PARP2: variants seen among roughly 807,000 people sequenced by gnomAD.
The protein encoded by PARP2 is poly [ADP-ribose] polymerase 2.
Under a neutral mutation model 77.8 loss-of-function variants are expected in PARP2, and 57 were observed. The ratio of observed to expected loss-of-function variants is 0.73; its 90% CI spans 0.59 to 0.91. PARP2 has a LOEUF of 0.91. Among genes scored for constraint, PARP2 ranks in the 40% least tolerant of loss-of-function variants. PARP2 has a pLI of 0.00. For missense variants in PARP2, 651 were observed against 689.0 expected (o/e 0.94, Z 0.62); for synonymous variants, 226 against 242.6 (o/e 0.93, Z 0.64).
chr14:20,345,906 G>A (rs986148753), intron 3 of PARP2, among the ~76,000 whole-genome samples: 1 of 149,838 alleles, frequency 6.7e-6, no homozygotes, highest in Non-Finnish European at 1.5e-5. Flanking sequence ...GTCACAGAGA[G>A]AGAAAGAGAG....
chr14:20,351,115 CAGA>C lies in PARP2; in HGVS notation c.496_497+1del, dbSNP rs748371280. 209 of 1,612,770 alleles carry C rather than the reference CAGA, an allele frequency of 1.3e-4. No homozygotes were observed. Among genetic ancestry groups the C allele is most frequent in the Non-Finnish European group, 1.7e-4 (201 of 1,178,904 alleles). On this transcript the variant is annotated inframe_deletion, in exon 6 of 16. Transcript: ENST00000429687. ...TCTCAACAAGGCCAAGGAAATCTTTCAGAAGAAGTGAGTGCTGAAAAGTGACTA... is the reference window on the plus strand; with the variant it reads ...TCTCAACAAGGCCAAGGAAATCTTTCAGAAGTGAGTGCTGAAAAGTGACTA...
chr14:20,347,398 A>ATAT (rs1883803299), intron 4 of PARP2, among the ~76,000 whole-genome samples: 1 of 6,886 alleles, frequency 1.5e-4, no homozygotes, highest in Admixed American at 3.1e-3. Context: ...ATATATATAT[A>ATAT]TTTTTTTTTT....
At position 20,353,250 on chromosome 14, in the gene PARP2, G is replaced by GT. The variant is rs201955911; in HGVS notation, c.601-826dup. Among the ~76,000 whole-genome samples, 525 of 148,814 alleles carry GT rather than the reference G, an allele frequency of 3.5e-3. 2 individuals are homozygous for GT. Among genetic ancestry groups the GT allele is most frequent in the Middle Eastern group, 0.028 (8 of 282 alleles). ...TTGTTTTTTTCGTTTTTTTGTTTTT[G>GT]TTTTTTTTTGATACGGAGTCTCGCT... On this transcript the variant is annotated intron_variant, in intron 7 of 15. Transcript: ENST00000429687.
At position 20,355,894 on chromosome 14, in the gene PARP2, C is replaced by T; in HGVS notation, c.967-3C>T. On this transcript the variant is annotated splice_region_variant and splice_polypyrimidine_tract_variant and intron_variant, in intron 10 of 15. Transcript: ENST00000429687. ...ACATTGATTCTATATCTCATCTTCT[C>T]AGGCTTTGGGAGACATTGAAATTGC... The T allele has an allele frequency of 2.5e-6, 4 of 1,614,130 alleles. No homozygotes were observed. The highest frequency in any genetic ancestry group is 3.4e-6 in the Non-Finnish European group (4 of 1,179,996).
intron 13 of PARP2, 130 bp downstream of exon 13, chr14:20,356,819 G>A: frequency 1.3e-6 from 1 of 765,312 alleles, no homozygotes; most frequent in Non-Finnish European, 2.3e-6. Flanking sequence ...TGATAACCTT[G>A]TCATCTCTTA....
chr14:20,349,077 G>A (rs1176079790), intron 4 of PARP2, among the ~76,000 whole-genome samples: 2 of 152,086 alleles, frequency 1.3e-5, no homozygotes, highest in African/African-American at 4.8e-5. Flanking sequence ...GGTGGCTCAT[G>A]CCTGTCATCC....
intron 6 of PARP2, 149 bp downstream of exon 6, chr14:20,351,271 T>C (rs935173784): frequency 5.9e-6 from 3 of 510,902 alleles, no homozygotes; most frequent in Non-Finnish European, 1.1e-5. Context: ...CTCCACCTCC[T>C]GGGTTTAAGT....
At chr14:20,346,611 G>A in intron 3 of PARP2, 2 of 345,682 alleles carry the variant, frequency 5.8e-6, no homozygotes, top group Non-Finnish European at 1.1e-5. Context: ...TGGGATTGCA[G>A]GCATGAGCCA....
intron 4 of PARP2, among the ~76,000 whole-genome samples, chr14:20,347,154 A>G (rs2678683): frequency 0.46 from 67,866 of 147,218 alleles, 17,276 homozygotes; most frequent in African/African-American, 0.7. Context: ...TCAGCCTCCC[A>G]AGTAGCTGGG....
In PARP2 at chr14:20,351,042, T is replaced by G; in HGVS notation, c.422-5T>G. 6 of 1,612,766 alleles carry G rather than the reference T, an allele frequency of 3.7e-6. No individual in the cohort carries two copies. Among genetic ancestry groups the G allele is most frequent in the Non-Finnish European group, 5.1e-6 (6 of 1,178,832 alleles). On this transcript the variant is annotated splice_region_variant and splice_polypyrimidine_tract_variant and intron_variant, in intron 5 of 15. Transcript: ENST00000429687. The stretch of plus-strand genomic sequence containing the variant: ...ACTATCTTATGTGTGGCATTTCCTT[T>G]GCAGTTGGGAAAATGGGACAGCACA...
rs1884214994 is a variant in PARP2, at chr14:20,357,807, TTAAA to T, written c.*15_*18del. ...CCTTCAGCTGTGGTGAATGTTGATA[TTAAA>T]TAAACCAGAGATCTGATCTTCAAGC... is the stretch of plus-strand genomic sequence containing the variant. On this transcript the variant is annotated 3_prime_UTR_variant, in exon 16 of 16. Transcript: ENST00000429687. 3 of 1,608,106 alleles carry T rather than the reference TTAAA, an allele frequency of 1.9e-6. No homozygotes were observed. The highest frequency in any genetic ancestry group is 2.5e-6 in the Non-Finnish European group (3 of 1,177,092).
Position 20,357,393 on chromosome 14 carries a change from C to T in PARP2, c.1429-3C>T, listed in dbSNP as rs548311217. 3.3e-5 allele frequency: 52 copies of T among 1,589,066 alleles called. 1 individual carries two copies. Among genetic ancestry groups the T allele is most frequent in the South Asian group, 1.8e-4 (16 of 87,466 alleles). ...GGGAATTCAAAGGTTTTTTGCTTTG[C>T]AGGTAGCTCTAGGTCAGTGTAATGA... On this transcript the variant is annotated splice_polypyrimidine_tract_variant and splice_region_variant and intron_variant, in intron 14 of 15. Coordinates refer to ENST00000429687, the MANE Select transcript of PARP2 (RefSeq NM_001042618.2).
At chr14:20,348,190 A>G (rs1883836726) in intron 4 of PARP2, among the ~76,000 whole-genome samples, 2 of 152,098 alleles carry the variant, frequency 1.3e-5, no homozygotes, top group South Asian at 4.2e-4. Context: ...CACATTTTCT[A>G]AAGTTATTGG....
chr14:20,349,782 A>C (rs1883893123), intron 4 of PARP2, among the ~76,000 whole-genome samples: 1 of 151,802 alleles, frequency 6.6e-6, no homozygotes, highest in African/African-American at 2.4e-5. Flanking sequence ...AGCAAGCAGG[A>C]GATAGAGGTA....
chr14:20,357,855 G>A lies in PARP2; in HGVS notation c.*58G>A. 6.7e-7 allele frequency: 1 copy of A among 1,493,340 alleles called. No individual in the cohort carries two copies. Among genetic ancestry groups the A allele is most frequent in the Non-Finnish European group, 9.2e-7 (1 of 1,087,808 alleles). 92.5% of individuals were successfully genotyped at this position (1,493,340 alleles called of 1,614,324 possible). A position where few individuals can be genotyped will look rare whatever the true frequency, so the allele number is the denominator to read the frequency against. The stretch of plus-strand genomic sequence containing the variant: ...TTCAAGCAAGAAAATAAGCAGTGTT[G>A]TACTTGTGAATTTTGTGATATTTTA... On this transcript the variant is annotated 3_prime_UTR_variant, in exon 16 of 16. Coordinates refer to ENST00000429687, the MANE Select transcript of PARP2 (RefSeq NM_001042618.2).
chr14:20,355,091 G>A (rs1042143222), intron 9 of PARP2, 144 bp downstream of exon 9: 18 of 726,884 alleles, frequency 2.5e-5, no homozygotes, highest in African/African-American at 3.6e-5. Flanking sequence ...TGATATATAG[G>A]TAGCCTATTT....
In PARP2 at chr14:20,343,681, G is replaced by A. The variant is rs1347928953; in HGVS notation, c.40G>A (p.Ala14Thr). ...RRRRSTGGGR[A>T]RALNESKRVN... ...GCGACGGAGCACCGGCGGCGGCAGG[G>A]CGAGAGGTTCGGAGCTCAATATCGC... The change falls in exon 1 of 16, where the codon GCG becomes ACG. Residue 14 changes from alanine (A) to threonine (T), a missense_variant. Transcript: ENST00000429687. 2 of 1,609,800 alleles carry A rather than the reference G, an allele frequency of 1.2e-6. No homozygotes were observed. The highest frequency in any genetic ancestry group is 8.5e-7 in the Non-Finnish European group (1 of 1,178,798).
rs774986716 is a variant in PARP2 at position 20,347,356 on chromosome 14, GTATATATATATATATA to G, written c.324+471_324+486del. 4.2e-3 allele frequency among the ~76,000 whole-genome samples: 124 copies of G among 29,560 alleles called. 2 individuals carry two copies. Among genetic ancestry groups the G allele is most frequent in the African/African-American group, 0.013 (77 of 6,106 alleles). 19.4% of individuals were successfully genotyped at this position (29,560 alleles called of 152,430 possible). ...CCTAAAGTCCTTCATATGTGTGTGT[GTATATATATATATATA>G]TATATATATATATATATATATATAT... On this transcript the variant is annotated intron_variant, in intron 4 of 15. Coordinates refer to ENST00000429687, the MANE Select transcript of PARP2 (RefSeq NM_001042618.2).
At chr14:20,355,730 T>TG in intron 9 of PARP2, 22 bp from the exon 10 acceptor site, 1 of 1,602,496 alleles carries the variant, frequency 6.2e-7, no homozygotes, top group Non-Finnish European at 8.6e-7. Context: ...AAGCTCATTA[T>TG]GGGTTATATC....
Sources: gnomAD v4.1 joint callset for allele counts (sites outside exome capture counted in the v4.1 genomes callset) on GRCh38, gnomAD v4.1.1 for gene constraint, MANE v1.5 for transcripts, NCBI Gene and HGNC (gene_info 2026-07-23, HGNC 2026-07-21) for gene names.